Variants in ATP6V1C2 observed in about 807,000 individuals in gnomAD.
ATP6V1C2 encodes V-type proton ATPase subunit C 2.
Under a neutral mutation model 56.8 loss-of-function variants are expected in ATP6V1C2, and 45 were observed. That is an observed-to-expected ratio of 0.79 (90% CI 0.62 to 1.02). ATP6V1C2 has a LOEUF of 1.02. Among genes scored for constraint, ATP6V1C2 ranks in the 50% least tolerant of loss-of-function variants. The probability of loss-of-function intolerance (pLI) is 0.00; values close to 1 mark genes in which losing one functional copy is unlikely to be tolerated. For missense variants in ATP6V1C2, 463 were observed against 519.7 expected, an observed-to-expected ratio of 0.89 and a Z score of 1.06; for synonymous variants, 220 against 201.3, an observed-to-expected ratio of 1.09 and a Z score of -0.79.
chr2:10,776,248 G>C (rs1474819714), intron 10 of ATP6V1C2, among the ~76,000 whole-genome samples: 44 of 146,284 alleles, frequency 3.0e-4, no homozygotes, highest in Admixed American at 2.9e-3. Flanking sequence ...CTCCGAAATA[G>C]CACAGGGCGC....
At position 10,775,084 on chromosome 2, in the gene ATP6V1C2, T is replaced by G. The variant is rs748811654; in HGVS notation, c.825+13T>G. ...GAAGCAACAGTATGTGAGTATGTGA[T>G]TGAGCAGCTCCTCCCGCCCCTACCC... On this transcript the variant is annotated intron_variant, in intron 10 of 13. Transcript: ENST00000272238. 6.2e-7 allele frequency: 1 copy of G among 1,604,586 alleles called. No individual in the cohort carries two copies. The highest frequency in any genetic ancestry group is 1.1e-5 in the South Asian group (1 of 90,870).
At chr2:10,751,853 A>T (rs886988113) in intron 3 of ATP6V1C2, among the ~76,000 whole-genome samples, 5 of 152,282 alleles carry the variant, frequency 3.3e-5, no homozygotes, top group Admixed American at 6.5e-5. Context: ...CATGCCTGTA[A>T]TCTCAGCACT....
chr2:10,767,793 T>C (rs1221209701), intron 5 of ATP6V1C2: 1 of 152,164 alleles, frequency 6.6e-6, no homozygotes, highest in African/African-American at 2.4e-5. Context: ...TTAATCATTT[T>C]ATCATTTTAA....
Position 10,782,212 on chromosome 2 carries a change from G to A in ATP6V1C2, c.1062-31G>A. On this transcript the variant is annotated intron_variant, in intron 12 of 13. Transcript: ENST00000272238. ...TCTATCCGTGTTTGCATTTGGAGCA[G>A]TGAACTGACACATTTTGTCTATCTG... is the stretch of plus-strand genomic sequence containing the variant. The A allele has an allele frequency of 1.9e-6, 3 of 1,612,354 alleles. 1 individual carries two copies. The highest frequency in any genetic ancestry group is 2.5e-6 in the Non-Finnish European group (3 of 1,179,052).
At chr2:10,734,853 T>C (rs1662167026) in intron 3 of ATP6V1C2, among the ~76,000 whole-genome samples, 1 of 152,206 alleles carries the variant, frequency 6.6e-6, no homozygotes, top group Admixed American at 6.5e-5. Flanking sequence ...CACTTAATAG[T>C]ATTTATAAAT....
At chr2:10,743,775 A>G (rs1294618966) in intron 3 of ATP6V1C2, among the ~76,000 whole-genome samples, 1 of 151,962 alleles carries the variant, frequency 6.6e-6, no homozygotes, top group East Asian at 1.9e-4. Context: ...ACTTGAGGTC[A>G]GGAGCTCAAG....
At chr2:10,779,618 G>A (rs13420668) in intron 12 of ATP6V1C2, among the ~76,000 whole-genome samples, 5,033 of 148,178 alleles carry the variant, frequency 0.034, 322 homozygotes, top group African/African-American at 0.12. Flanking sequence ...CCTCGGAGCC[G>A]GAGGTTGCAG....
At chr2:10,748,489 C>T (rs1435392401) in intron 3 of ATP6V1C2, among the ~76,000 whole-genome samples, 1 of 152,036 alleles carries the variant, frequency 6.6e-6, no homozygotes, top group African/African-American at 2.4e-5. Context: ...CTTAAGTGAA[C>T]AGGCTGGAGA....
chr2:10,782,575 G>T (rs183719197), intron 13 of ATP6V1C2, among the ~76,000 whole-genome samples, 200 bp downstream of exon 13: 1 of 152,206 alleles, frequency 6.6e-6, no homozygotes, highest in African/African-American at 2.4e-5. Context: ...GCTCACGCCT[G>T]TAATCCCAGC....
At chr2:10,747,289 G>A (rs947318125) in intron 3 of ATP6V1C2, among the ~76,000 whole-genome samples, 1 of 152,052 alleles carries the variant, frequency 6.6e-6, no homozygotes, top group Non-Finnish European at 1.5e-5. Flanking sequence ...AGAAAAAAAA[G>A]AAAAGAATTC....
intron 3 of ATP6V1C2, among the ~76,000 whole-genome samples, chr2:10,727,072 C>T (rs1355498925): frequency 7.1e-6 from 1 of 141,612 alleles, no homozygotes; most frequent in Admixed American, 7.0e-5. Flanking sequence ...TCCCTCCCTC[C>T]CTTCCTCCCT....
chr2:10,750,001 C>A (rs1203617558), intron 3 of ATP6V1C2, among the ~76,000 whole-genome samples: 1 of 152,192 alleles, frequency 6.6e-6, no homozygotes, highest in Non-Finnish European at 1.5e-5. Flanking sequence ...ACATTTAACA[C>A]AGTATCTAGA....
rs143372414 is a variant in ATP6V1C2, at chr2:10,754,521, C to T, written c.283+455C>T. On this transcript the variant is annotated intron_variant, in intron 4 of 13. Coordinates refer to ENST00000272238, the MANE Select transcript of ATP6V1C2 (RefSeq NM_001039362.2). ...GATTACAGGCGTGAGCTACCATGCC[C>T]GGCCAATTTTTATTATGATAATTTT... is the stretch of plus-strand genomic sequence containing the variant. 4.3e-3 allele frequency among the ~76,000 whole-genome samples: 659 copies of T among 151,802 alleles called. 4 individuals carry two copies. Among genetic ancestry groups the T allele is most frequent in the Middle Eastern group, 0.021 (6 of 290 alleles).
intron 3 of ATP6V1C2, among the ~76,000 whole-genome samples, chr2:10,745,816 C>A (rs553084028): frequency 6.6e-6 from 1 of 152,176 alleles, no homozygotes; most frequent in African/African-American, 2.4e-5. Context: ...TTTCTACTTT[C>A]TCTCTGTATG....
chr2:10,744,197 C>CT (rs996397909), intron 3 of ATP6V1C2: 3 of 151,830 alleles, frequency 2.0e-5, no homozygotes, highest in East Asian at 1.9e-4. Context: ...AACAATACAG[C>CT]TTTTTTAGAA....
intron 2 of ATP6V1C2, among the ~76,000 whole-genome samples, chr2:10,724,587 C>T (rs559769858): frequency 1.3e-5 from 2 of 152,138 alleles, no homozygotes; most frequent in East Asian, 1.9e-4. Context: ...AAGACACAGC[C>T]CCTGCAGAAG....
intron 4 of ATP6V1C2, among the ~76,000 whole-genome samples, chr2:10,757,024 T>G (rs1454451573): frequency 3.6e-5 from 5 of 139,294 alleles, no homozygotes; most frequent in Non-Finnish European, 7.7e-5. Flanking sequence ...TTTTTTTTTT[T>G]TTTTTTTTGA....
chr2:10,736,649 G>A (rs1662260698), intron 3 of ATP6V1C2, among the ~76,000 whole-genome samples: 1 of 150,764 alleles, frequency 6.6e-6, no homozygotes, highest in Non-Finnish European at 1.5e-5. Flanking sequence ...TTATTTTCTT[G>A]CTCTTTTCTG....
chr2:10,745,775 T>C (rs67106790), intron 3 of ATP6V1C2, among the ~76,000 whole-genome samples: 27,403 of 152,144 alleles, frequency 0.18, 2,651 homozygotes, highest in East Asian at 0.3. Context: ...TGACTCCTCC[T>C]TTCCTCCTCC....
Sources: gnomAD v4.1 joint callset for allele counts (sites outside exome capture counted in the v4.1 genomes callset) on GRCh38, gnomAD v4.1.1 for gene constraint, MANE v1.5 for transcripts, NCBI Gene and HGNC (gene_info 2026-07-23, HGNC 2026-07-21) for gene names.